The following LOXHD1 variants were observed in gnomAD, a reference collection of about 807,000 sequenced individuals.
The protein encoded by LOXHD1 is lipoxygenase homology domain-containing protein 1.
Under a neutral mutation model 248.2 loss-of-function variants are expected in LOXHD1, and 205 were observed. The observed-to-expected ratio is 0.83, with a 90% CI of 0.74 to 0.93. The LOEUF is 0.93. Ranked by LOEUF, LOXHD1 falls within the 40% of genes least tolerant of loss-of-function variation. The pLI, the probability that LOXHD1 is intolerant of heterozygous loss-of-function variation, is 0.00. For synonymous variants in LOXHD1, 1,113 were observed against 1,162.8 expected, an observed-to-expected ratio of 0.96 and a Z score of 0.87; for missense variants, 2,930 against 2,971.6, an observed-to-expected ratio of 0.99 and a Z score of 0.33.
intron 12 of LOXHD1, among the ~76,000 whole-genome samples, chr18:46,588,807 C>T (rs144553393): frequency 6.6e-5 from 10 of 152,300 alleles, no homozygotes; most frequent in Admixed American, 2.6e-4. Context: ...TTTGTCTCTC[C>T]GTTCCATCCT....
chr18:46,642,389 G>A (rs947188491), intron 2 of LOXHD1, among the ~76,000 whole-genome samples: 3 of 152,224 alleles, frequency 2.0e-5, no homozygotes, highest in Non-Finnish European at 4.4e-5. Flanking sequence ...GCTGCTCTGG[G>A]TTGGGTGGAT....
intron 8 of LOXHD1, among the ~76,000 whole-genome samples, chr18:46,600,966 C>G (rs2038327560): frequency 6.6e-6 from 1 of 152,054 alleles, no homozygotes; most frequent in Non-Finnish European, 1.5e-5. Context: ...TAATCATAAC[C>G]ACCAACTGAG....
At chr18:46,547,137 G>C in intron 21 of LOXHD1, 79 bp from the exon 22 acceptor site, 2 of 1,502,754 alleles carry the variant, frequency 1.3e-6, no homozygotes, top group Non-Finnish European at 1.8e-6. Context: ...CTGAGAATGA[G>C]AGGCCCTCTA....
intron 21 of LOXHD1, chr18:46,556,891 G>T: frequency 4.6e-6 from 1 of 218,436 alleles, no homozygotes; most frequent in Non-Finnish European, 8.4e-6. Flanking sequence ...ACCTTCCAGT[G>T]TCACAGCCAG....
At chr18:46,502,954 C>A (rs2143839187) in intron 37 of LOXHD1, among the ~76,000 whole-genome samples, 1 of 152,286 alleles carries the variant, frequency 6.6e-6, no homozygotes, top group Non-Finnish European at 1.5e-5. Flanking sequence ...TCCTTTGGGT[C>A]TCTGCTATTT....
chr18:46,526,203 C>T (rs1457269609), intron 29 of LOXHD1, among the ~76,000 whole-genome samples: 1 of 152,202 alleles, frequency 6.6e-6, no homozygotes, highest in African/African-American at 2.4e-5. Context: ...CTTCACATTG[C>T]ACAAGGATGT....
Position 46,506,013 on chromosome 18 carries a change from A to G in LOXHD1, c.5703T>C (p.Thr1901=), listed in dbSNP as rs1430003685. The change falls in exon 37 of 41, where the codon ACT becomes ACC. Residue 1901 remains threonine, a synonymous_variant. Transcript: ENST00000642948. The stretch of plus-strand genomic sequence containing the variant: ...AGATGATGATGAACACGTTGGCATC[A>G]GTGCCTGCTCCTGGGGGGTGCACAA... ...VKTSDILGAG[T]DANVFIIIFG... 5 of 1,552,100 alleles carry G rather than the reference A, an allele frequency of 3.2e-6. No homozygotes were observed. The highest frequency in any genetic ancestry group is 3.5e-6 in the Non-Finnish European group (4 of 1,147,102).
At chr18:46,511,748 G>A (rs111542926) in intron 34 of LOXHD1, among the ~76,000 whole-genome samples, 2 of 152,200 alleles carry the variant, frequency 1.3e-5, no homozygotes, top group Admixed American at 6.5e-5. Flanking sequence ...AGCCCACCAC[G>A]CTGGGCAGCT....
At chr18:46,543,981 A>C (rs2144385771) in intron 23 of LOXHD1, among the ~76,000 whole-genome samples, 1 of 152,322 alleles carries the variant, frequency 6.6e-6, no homozygotes, top group South Asian at 2.1e-4. Flanking sequence ...TCACATATAT[A>C]ATCAGTCCTG....
At chr18:46,503,678 T>A (rs1034853096) in intron 37 of LOXHD1, among the ~76,000 whole-genome samples, 3 of 152,170 alleles carry the variant, frequency 2.0e-5, no homozygotes, top group Non-Finnish European at 4.4e-5. Context: ...TTGAGCATGA[T>A]TTGCGAGTAT....
Position 46,487,784 on chromosome 18 carries a change from A to G in LOXHD1, c.6049+1188T>C, listed in dbSNP as rs957281131. Among the ~76,000 whole-genome samples the G allele has an allele frequency of 2.0e-5, 3 of 152,176 alleles. No homozygotes were observed. The East Asian group carries it at 5.8e-4, about 29-fold the overall frequency. On this transcript the variant is annotated intron_variant, in intron 38 of 40. Transcript: ENST00000642948. ...TGGGAGGAAACAGAGTTGAGAGGAGAAGAGAGAAAGAGACGTACTGAGACC... is the reference window on the plus strand; with the variant it reads ...TGGGAGGAAACAGAGTTGAGAGGAGGAGAGAGAAAGAGACGTACTGAGACC...
chr18:46,633,910 T>C (rs763871679), intron 4 of LOXHD1, among the ~76,000 whole-genome samples: 2 of 152,178 alleles, frequency 1.3e-5, no homozygotes, highest in African/African-American at 4.8e-5. Context: ...TCCCACCCAT[T>C]AGGATGGCTA....
In LOXHD1 at chr18:46,524,777, C is replaced by T. The variant is rs763078543; in HGVS notation, c.4671G>A (p.Leu1557=). Residue 1557 remains leucine (L), a synonymous_variant, in exon 30 of 41, where the codon CTG becomes CTA. Coordinates refer to ENST00000642948, the MANE Select transcript of LOXHD1 (RefSeq NM_001384474.1). The stretch of plus-strand genomic sequence containing the variant: ...GGGAGAGCCAGCGCCCGCATAGGAA[C>T]AGGAACTCGTCCTCGTTGGTGTCAT... ...IWNDTNEDEF[L]FLCGRWLSLK... The T allele has an allele frequency of 1.1e-4, 164 of 1,551,676 alleles. No homozygotes were observed. The Middle Eastern group carries it at 3.0e-3, about 28-fold the overall frequency.
chr18:46,483,762 T>C lies in LOXHD1; in HGVS notation c.6183-17A>G. 1 of 1,548,780 alleles carries C rather than the reference T, an allele frequency of 6.5e-7. No individual in the cohort carries two copies. The highest frequency in any genetic ancestry group is 1.2e-5 in the South Asian group (1 of 83,834). ...GTGGTCCCCCTGCAGGAAACAAAAG[T>C]GTGGTCCATGAGCTGCCTTTGCCCA... On this transcript the variant is annotated splice_polypyrimidine_tract_variant and intron_variant, in intron 39 of 40. Transcript: ENST00000642948.
intron 1 of LOXHD1, among the ~76,000 whole-genome samples, chr18:46,652,586 T>C (rs923973699): frequency 6.6e-6 from 1 of 152,150 alleles, no homozygotes; most frequent in Admixed American, 6.5e-5. Flanking sequence ...GGTGGAGCCA[T>C]TGTCACTCTC....
intron 17 of LOXHD1, among the ~76,000 whole-genome samples, chr18:46,564,402 C>T (rs552213727): frequency 2.0e-5 from 3 of 152,132 alleles, no homozygotes; most frequent in African/African-American, 7.2e-5. Flanking sequence ...TGTGGTGGCA[C>T]GTGCCTGTAG....
intron 12 of LOXHD1, among the ~76,000 whole-genome samples, chr18:46,590,179 A>G (rs927346943): frequency 6.6e-6 from 1 of 152,096 alleles, no homozygotes; most frequent in Non-Finnish European, 1.5e-5. Flanking sequence ...TTGTTAGGCA[A>G]GCAGATCCTT....
At chr18:46,642,727 A>G (rs921731113) in intron 2 of LOXHD1, among the ~76,000 whole-genome samples, 3 of 152,242 alleles carry the variant, frequency 2.0e-5, no homozygotes, top group African/African-American at 4.8e-5. Flanking sequence ...GCATAGACAC[A>G]GGAGGGCTGC....
At chr18:46,604,927 A>G (rs1389255218) in intron 6 of LOXHD1, among the ~76,000 whole-genome samples, 1 of 152,210 alleles carries the variant, frequency 6.6e-6, no homozygotes, top group Non-Finnish European at 1.5e-5. Flanking sequence ...ATAATACAAT[A>G]TGGGCAGAGG....
Sources: gnomAD v4.1 joint callset for allele counts (sites outside exome capture counted in the v4.1 genomes callset) on GRCh38, gnomAD v4.1.1 for gene constraint, MANE v1.5 for transcripts, NCBI Gene and HGNC (gene_info 2026-07-23, HGNC 2026-07-21) for gene names.